DOLPP1: variants seen among roughly 807,000 people sequenced by gnomAD.
DOLPP1 encodes the protein dolichyl pyrophosphate phosphatase 1.
A neutral mutation model predicts 34.1 loss-of-function variants in DOLPP1; 15 were observed. That is an observed-to-expected ratio of 0.44 (90% CI 0.29 to 0.68). The LOEUF (loss-of-function observed/expected upper bound fraction) is 0.68, where lower values mean the gene tolerates loss of function less well. DOLPP1 is among the 30% of genes least tolerant of loss of function. The pLI is 0.12. For synonymous variants in DOLPP1, 130 were observed against 128.2 expected (o/e 1.01, Z -0.10); for missense variants, 249 against 307.1 (o/e 0.81, Z 1.41).
chr9:129,089,313 G>C lies in DOLPP1; in HGVS notation c.*306G>C. On this transcript the variant is annotated 3_prime_UTR_variant, in exon 8 of 8. Coordinates refer to ENST00000372546, the MANE Select transcript of DOLPP1 (RefSeq NM_020438.5). The surrounding 1 kb of genome is among the most constrained non-coding windows in gnomAD (Gnocchi z 4.9). ...GGGCACCTGGGTGTGGGGTGGAGGA[G>C]GAGGGCTCGCGCCTCTGGTCTCGGG... is the stretch of plus-strand genomic sequence containing the variant. 1 of 346,108 alleles carries C rather than the reference G, an allele frequency of 2.9e-6. No homozygotes were observed. Among genetic ancestry groups the C allele is most frequent in the East Asian group, 4.8e-5 (1 of 20,742 alleles). 21.4% of individuals were successfully genotyped at this position (346,108 alleles called of 1,614,324 possible).
chr9:129,086,889 C>CCT, intron 7 of DOLPP1, 91 bp downstream of exon 7: 1 of 1,069,082 alleles, frequency 9.4e-7, no homozygotes, highest in Non-Finnish European at 1.4e-6. Context: ...CTCGCGCCTG[C>CCT]CTAAGCACTT....
chr9:129,084,133 T>G (rs1187799984), intron 1 of DOLPP1, among the ~76,000 whole-genome samples: 1 of 152,214 alleles, frequency 6.6e-6, no homozygotes, highest in Non-Finnish European at 1.5e-5. Context: ...CTGTGTGGTG[T>G]CCAGAGAACG....
At chr9:129,083,962 G>C (rs542595362) in intron 1 of DOLPP1, among the ~76,000 whole-genome samples, 1 of 152,364 alleles carries the variant, frequency 6.6e-6, no homozygotes, top group East Asian at 1.9e-4. Flanking sequence ...TCTCCTAAAA[G>C]GGGCCAGTGT....
rs1392285563 is a variant in DOLPP1, at chr9:129,085,759, A to G, written c.461+143A>G. On this transcript the variant is annotated intron_variant, in intron 5 of 7. Coordinates refer to ENST00000372546, the MANE Select transcript of DOLPP1 (RefSeq NM_020438.5). This position sits in a 1 kb window ranked among gnomAD's most constrained non-coding sequence, Gnocchi z 7.0. Reference sequence around the variant, plus strand: ...AAAGGGGTCCCAGACCTCTAGTTTTAAAAGGACAGGGCTCCAGCTGCCTCT... The same window carrying G: ...AAAGGGGTCCCAGACCTCTAGTTTTGAAAGGACAGGGCTCCAGCTGCCTCT... 2 of 671,524 alleles carry G rather than the reference A, an allele frequency of 3.0e-6. No individual in the cohort carries two copies. The highest frequency in any genetic ancestry group is 2.8e-5 in the East Asian group (1 of 35,958). The allele number at this position is 671,524 out of a possible 1,614,324, so 41.6% of individuals were successfully genotyped here. A position where few individuals can be genotyped will look rare whatever the true frequency, so the allele number is the denominator to read the frequency against.
chr9:129,083,671 A>G (rs1448285676), intron 1 of DOLPP1, among the ~76,000 whole-genome samples: 1 of 152,112 alleles, frequency 6.6e-6, no homozygotes, highest in East Asian at 1.9e-4. Flanking sequence ...CCCAACATGG[A>G]AGTGTCCTGG....
chr9:129,084,837 T>C lies in DOLPP1; in HGVS notation c.177+69T>C, dbSNP rs1846957154. The C allele has an allele frequency of 2.9e-6, 3 of 1,032,634 alleles. No individual in the cohort carries two copies. The South Asian group carries it at 3.8e-5, about 13-fold the overall frequency. 64.0% of individuals were successfully genotyped at this position (1,032,634 alleles called of 1,614,324 possible). ...CCCCCACCCTGCTTTGGGAAGCCCGTCCGCCCCTCAGTCCAGGGTTCTCAT... is the reference window on the plus strand; with the variant it reads ...CCCCCACCCTGCTTTGGGAAGCCCGCCCGCCCCTCAGTCCAGGGTTCTCAT... On this transcript the variant is annotated intron_variant, in intron 2 of 7. Coordinates refer to ENST00000372546, the MANE Select transcript of DOLPP1 (RefSeq NM_020438.5).
intron 6 of DOLPP1, 102 bp downstream of exon 6, chr9:129,086,369 C>A (rs1846989114): frequency 7.0e-7 from 1 of 1,432,410 alleles, no homozygotes; most frequent in South Asian, 1.3e-5. Context: ...GCCCCTGTCT[C>A]CCTGGGAAGG....
chr9:129,081,262 C>G (rs1408633420), intron 1 of DOLPP1, 55 bp downstream of exon 1: 1 of 1,594,710 alleles, frequency 6.3e-7, no homozygotes, highest in Non-Finnish European at 8.5e-7. Flanking sequence ...CTCTCAGTCC[C>G]GGGCGCTCCG....
intron 1 of DOLPP1, 32 bp from the exon 2 acceptor site, chr9:129,084,636 T>G (rs765070797): frequency 6.8e-7 from 1 of 1,461,318 alleles, no homozygotes; most frequent in African/African-American, 1.4e-5. Context: ...GCCTGTGCCC[T>G]GTCCTCCTGA....
At chr9:129,086,064 G>A in intron 5 of DOLPP1, 75 bp from the exon 6 acceptor site, 5 of 1,460,426 alleles carry the variant, frequency 3.4e-6, no homozygotes, top group Non-Finnish European at 4.7e-6. Flanking sequence ...TGGGAAGCTG[G>A]CACATGGGCA....
chr9:129,083,548 C>T (rs1846929113), intron 1 of DOLPP1, among the ~76,000 whole-genome samples: 1 of 152,174 alleles, frequency 6.6e-6, no homozygotes, highest in Non-Finnish European at 1.5e-5. Context: ...ATGTGTGTGT[C>T]TATGTCTTCA....
intron 2 of DOLPP1, 76 bp downstream of exon 2, chr9:129,084,844 C>T (rs1053978091): frequency 7.7e-7 from 1 of 1,297,212 alleles, no homozygotes; most frequent in Non-Finnish European, 1.1e-6. Flanking sequence ...CCGTCCGCCC[C>T]TCAGTCCAGG....
At chr9:129,088,930 C>A in intron 7 of DOLPP1, 41 bp from the exon 8 acceptor site, 1 of 1,608,836 alleles carries the variant, frequency 6.2e-7, no homozygotes, top group Non-Finnish European at 8.5e-7. Flanking sequence ...GGTCACTGAA[C>A]ACCAGATGTC....
rs1846973320 is a variant in DOLPP1, at chr9:129,085,556, T to C, written c.401T>C (p.Leu134Pro). 2 of 1,613,574 alleles carry C rather than the reference T, an allele frequency of 1.2e-6. No individual in the cohort carries two copies. Among genetic ancestry groups the C allele is most frequent in the African/African-American group, 2.7e-5 (2 of 74,912 alleles). The part of the protein sequence containing the change: ...QTNNARFLDL[L>P]WRHVLSLGLL... ...AACAACGCCAGGTTCCTGGACTTGCTGTGGAGGCACGTGCTCTCCCTGGGA... is the reference window on the plus strand; with the variant it reads ...AACAACGCCAGGTTCCTGGACTTGCCGTGGAGGCACGTGCTCTCCCTGGGA... The change falls in exon 5 of 8, where the codon CTG becomes CCG. Residue 134 changes from leucine to proline, a missense_variant. Transcript: ENST00000372546. This position sits in a 1 kb window ranked among gnomAD's most constrained non-coding sequence, Gnocchi z 7.0.
intron 7 of DOLPP1, among the ~76,000 whole-genome samples, chr9:129,087,714 G>C (rs1847019646): frequency 1.3e-5 from 2 of 152,102 alleles, no homozygotes; most frequent in Non-Finnish European, 2.9e-5. Context: ...GGCGGGGTAG[G>C]GTGGGGCGTC....
chr9:129,085,354 G>A lies in DOLPP1; in HGVS notation c.362+48G>A, dbSNP rs1402457421. On this transcript the variant is annotated intron_variant, in intron 4 of 7. Transcript: ENST00000372546. This position sits in a 1 kb window ranked among gnomAD's most constrained non-coding sequence, Gnocchi z 7.0. ...ATGGCCCTGAACTTGCTCAGGCCGA[G>A]TTCTGCTAGGGACTCACTGCTAGCC... The A allele has an allele frequency of 2.5e-6, 4 of 1,577,240 alleles. No individual in the cohort carries two copies. Among genetic ancestry groups the A allele is most frequent in the African/African-American group, 1.3e-5 (1 of 74,124 alleles).
rs1846976458 is a variant in DOLPP1 at position 129,085,694 on chromosome 9, C to T, written c.461+78C>T. 1.7e-6 allele frequency: 2 copies of T among 1,165,132 alleles called. No homozygotes were observed. Among genetic ancestry groups the T allele is most frequent in the Non-Finnish European group, 1.2e-6 (1 of 815,194 alleles). The allele number at this position is 1,165,132 out of a possible 1,614,324, so 72.2% of individuals were successfully genotyped here. A position where few individuals can be genotyped will look rare whatever the true frequency, so the allele number is the denominator to read the frequency against. On this transcript the variant is annotated intron_variant, in intron 5 of 7. Transcript: ENST00000372546. The surrounding 1 kb of genome is among the most constrained non-coding windows in gnomAD (Gnocchi z 7.0). ...GGTTCCTGGTCCCTGTCGGACCCCACCATGGACCCTAGTCCCAGAACCTGT... is the reference window on the plus strand; with the variant it reads ...GGTTCCTGGTCCCTGTCGGACCCCATCATGGACCCTAGTCCCAGAACCTGT...
intron 1 of DOLPP1, 58 bp downstream of exon 1, chr9:129,081,265 G>T: frequency 6.3e-7 from 1 of 1,595,640 alleles, no homozygotes; most frequent in Non-Finnish European, 8.5e-7. Context: ...TCAGTCCCGG[G>T]CGCTCCGGCC....
chr9:129,089,670 C>T lies in DOLPP1; in HGVS notation c.*663C>T, dbSNP rs1275885237. 2 of 153,510 alleles carry T rather than the reference C, an allele frequency of 1.3e-5. No individual in the cohort carries two copies. Among genetic ancestry groups the T allele is most frequent in the Non-Finnish European group, 2.9e-5 (2 of 68,758 alleles). 9.5% of individuals were successfully genotyped at this position (153,510 alleles called of 1,614,324 possible). A position where few individuals can be genotyped will look rare whatever the true frequency, so the allele number is the denominator to read the frequency against. ...TGGCGGCTGCTGTCGTTGTGTTCTA[C>T]CCCGTACTGACCCAACACCACAAGG... is the stretch of plus-strand genomic sequence containing the variant. On this transcript the variant is annotated 3_prime_UTR_variant, in exon 8 of 8. Coordinates refer to ENST00000372546, the MANE Select transcript of DOLPP1 (RefSeq NM_020438.5). The surrounding 1 kb of genome is among the most constrained non-coding windows in gnomAD (Gnocchi z 4.9).
Sources: allele counts gnomAD v4.1 joint callset (sites outside exome capture counted in the v4.1 genomes callset), GRCh38; gene constraint gnomAD v4.1.1; non-coding constraint Gnocchi (gnomAD v3.1); transcripts MANE v1.5; gene names NCBI Gene and HGNC (gene_info 2026-07-23, HGNC 2026-07-21).